Variants in CALN1 observed in about 807,000 individuals in gnomAD.
CALN1 encodes the protein calcium-binding protein 8.
CALN1 carries 17 observed loss-of-function variants against 30.6 expected under a neutral mutation model. The ratio of observed to expected loss-of-function variants is 0.56; its 90% confidence interval spans 0.38 to 0.83. The LOEUF (loss-of-function observed/expected upper bound fraction) is 0.83, where lower values mean the gene tolerates loss of function less well. Among genes scored for constraint, CALN1 ranks in the 40% least tolerant of loss-of-function variants. The pLI is 0.00. For synonymous variants in CALN1, 156 were observed against 131.4 expected (o/e 1.19, Z -1.28); for missense variants, 291 against 354.9 (o/e 0.82, Z 1.45).
In CALN1 at chr7:72,264,386, GA is replaced by G. The variant is rs1241130987; in HGVS notation, c.244+14299del. On this transcript the variant is annotated intron_variant, in intron 3 of 6. Coordinates refer to ENST00000395275, the MANE Select transcript of CALN1 (RefSeq NM_031468.4). ...CATATAAAAGCCAGTTAAGATCTTT[GA>G]ACAAAATATATCTTCAAAAAAGGAC... 1.3e-5 allele frequency among the ~76,000 whole-genome samples: 2 copies of G among 151,904 alleles called. 1 individual carries two copies. Among genetic ancestry groups the G allele is most frequent in the African/African-American group, 4.8e-5 (2 of 41,348 alleles).
intron 5 of CALN1, among the ~76,000 whole-genome samples, chr7:72,001,782 C>T (rs1799540431): frequency 6.6e-6 from 1 of 152,270 alleles, no homozygotes; most frequent in South Asian, 2.1e-4. Flanking sequence ...TTGCTGCAGA[C>T]CCATACAGAT....
At chr7:72,009,337 G>A (rs1044927958) in intron 5 of CALN1, among the ~76,000 whole-genome samples, 25 of 151,980 alleles carry the variant, frequency 1.6e-4, no homozygotes, top group African/African-American at 6.0e-4. Context: ...AAATAAAAAT[G>A]GCAAATCAAA....
intron 3 of CALN1, among the ~76,000 whole-genome samples, chr7:72,238,247 ATTT>A (rs1018505651): frequency 1.3e-5 from 2 of 152,204 alleles, no homozygotes; most frequent in East Asian, 1.9e-4. Flanking sequence ...TAATATTTCC[ATTT>A]TTTTCTTTGA....
chr7:72,337,882 G>C (rs573973544), intron 2 of CALN1: 3 of 152,408 alleles, frequency 2.0e-5, no homozygotes, highest in Non-Finnish European at 4.4e-5. Context: ...CTTGGGCAGA[G>C]GTGTGAGCTA....
chr7:72,116,810 T>C (rs1338951371), intron 3 of CALN1, among the ~76,000 whole-genome samples: 1 of 152,192 alleles, frequency 6.6e-6, no homozygotes, highest in Non-Finnish European at 1.5e-5. Flanking sequence ...TAAAGAGGTT[T>C]ATTCTGAGCC....
intron 4 of CALN1, among the ~76,000 whole-genome samples, chr7:72,093,284 A>C (rs1805996894): frequency 6.6e-6 from 1 of 152,182 alleles, no homozygotes; most frequent in South Asian, 2.1e-4. Flanking sequence ...GCCTAAGAAA[A>C]TGTTACTTAG....
At chr7:71,809,284 GC>G (rs1787796319) in intron 6 of CALN1, among the ~76,000 whole-genome samples, 1 of 151,832 alleles carries the variant, frequency 6.6e-6, no homozygotes, top group South Asian at 2.1e-4. Context: ...GCTGATGGGA[GC>G]CTGGGTTTGC....
upstream of CALN1, among the ~76,000 whole-genome samples, chr7:72,451,234 AGAAGGAGGAAG>A (rs1808654789): frequency 7.6e-6 from 1 of 131,092 alleles, no homozygotes; most frequent in East Asian, 2.3e-4. Context: ...GAGGAGGAGG[AGAAGGAGGAAG>A]AGGAGGAAGA....
intron 2 of CALN1, among the ~76,000 whole-genome samples, chr7:72,325,887 G>T (rs1373216838): frequency 6.6e-6 from 1 of 152,108 alleles, no homozygotes; most frequent in Non-Finnish European, 1.5e-5. Flanking sequence ...GGCAAAAAAT[G>T]TGATTTAACT....
In CALN1 at chr7:71,884,534, G is replaced by A. The variant is rs139988226; in HGVS notation, c.502-74042C>T. On this transcript the variant is annotated intron_variant, in intron 5 of 6. Coordinates refer to ENST00000395275, the MANE Select transcript of CALN1 (RefSeq NM_031468.4). ...CCAGCTTGGGCCAGATCGATCTCTC[G>A]GTGGTGGTGATGGTTTACACTGGGA... Among the ~76,000 whole-genome samples, 1,500 of 152,060 alleles carry A rather than the reference G, an allele frequency of 9.9e-3. 31 individuals are homozygous for A. The highest frequency in any genetic ancestry group is 0.034 in the African/African-American group (1,417 of 41,480).
At chr7:72,398,041 G>A (rs1806096215) in intron 2 of CALN1, among the ~76,000 whole-genome samples, 1 of 152,158 alleles carries the variant, frequency 6.6e-6, no homozygotes, top group African/African-American at 2.4e-5. Flanking sequence ...GGGGAAGTAG[G>A]ACCATTGGCC....
chr7:72,302,073 A>G (rs990571141), intron 2 of CALN1, among the ~76,000 whole-genome samples: 7 of 152,214 alleles, frequency 4.6e-5, no homozygotes, highest in Non-Finnish European at 1.0e-4. Context: ...GGAATTGAAG[A>G]AAGTTTAAAG....
chr7:72,010,813 AAAAAGAAAAG>A (rs1212905541), intron 5 of CALN1, among the ~76,000 whole-genome samples: 2 of 151,222 alleles, frequency 1.3e-5, no homozygotes, highest in South Asian at 2.1e-4. Flanking sequence ...CTCAAAAAAA[AAAAAGAAAAG>A]AAAAGAAAAG....
At chr7:72,417,988 G>A (rs1807474635) in intron 1 of CALN1, among the ~76,000 whole-genome samples, 1 of 152,172 alleles carries the variant, frequency 6.6e-6, no homozygotes, top group African/African-American at 2.4e-5. Context: ...TTTAGATTCA[G>A]AAGGTACATG....
chr7:72,280,958 C>CAT (rs1311427996), intron 2 of CALN1, among the ~76,000 whole-genome samples: 1 of 152,070 alleles, frequency 6.6e-6, no homozygotes, highest in Non-Finnish European at 1.5e-5. Flanking sequence ...GCCTGGCCAA[C>CAT]ATGGTGAAAC....
At chr7:72,117,685 C>T (rs1261787586) in intron 3 of CALN1, among the ~76,000 whole-genome samples, 2 of 152,090 alleles carry the variant, frequency 1.3e-5, no homozygotes, top group African/African-American at 2.4e-5. Context: ...TGGCCAGACA[C>T]GGTGGCTCCC....
intron 5 of CALN1, among the ~76,000 whole-genome samples, chr7:71,818,697 T>C (rs997388023): frequency 2.0e-5 from 3 of 148,712 alleles, no homozygotes; most frequent in Admixed American, 1.3e-4. Context: ...TATTTATTTA[T>C]TTATTTATTT....
At chr7:72,368,121 C>CA (rs1409878023) in intron 2 of CALN1, among the ~76,000 whole-genome samples, 2 of 151,344 alleles carry the variant, frequency 1.3e-5, no homozygotes, top group Non-Finnish European at 2.9e-5. Flanking sequence ...GACTCCGTCT[C>CA]AAAAAATACA....
rs560504819 is a variant in CALN1, at chr7:72,109,810, C to A, written c.245-3516G>T. Among the ~76,000 whole-genome samples, 7 of 152,334 alleles carry A rather than the reference C, an allele frequency of 4.6e-5. No individual in the cohort carries two copies. In the East Asian group the frequency reaches 1.4e-3, roughly 30 times the overall value. ...GAGAGTCAGCCCATGAGGCAGCCAG[C>A]GCCAAGCGCCAGCTCTGCTCTGCAA... On this transcript the variant is annotated intron_variant, in intron 3 of 6. Coordinates refer to ENST00000395275, the MANE Select transcript of CALN1 (RefSeq NM_031468.4).
Sources: gnomAD v4.1 joint callset for allele counts (sites outside exome capture counted in the v4.1 genomes callset) on GRCh38, gnomAD v4.1.1 for gene constraint, MANE v1.5 for transcripts, NCBI Gene and HGNC (gene_info 2026-07-23, HGNC 2026-07-21) for gene names.